Variants in GPR39 observed in about 807,000 individuals in gnomAD.
The protein encoded by GPR39 is G protein-coupled receptor 39.
GPR39 carries 23 observed loss-of-function variants against 18.4 expected under a neutral mutation model. The ratio of observed to expected loss-of-function variants is 1.25; its 90% CI spans 0.90 to 1.77. The LOEUF is 1.77. GPR39 is among the 40% of genes most tolerant of loss of function. The pLI is 0.00. For synonymous variants in GPR39, 280 were observed against 257.9 expected (o/e 1.09, Z -0.82); for missense variants, 647 against 602.4 (o/e 1.07, Z -0.78).
intron 1 of GPR39, among the ~76,000 whole-genome samples, chr2:132,597,507 A>C (rs1024369576): frequency 3.9e-5 from 6 of 152,178 alleles, no homozygotes; most frequent in Non-Finnish European, 7.3e-5. Flanking sequence ...GAAGCAAATC[A>C]AACACCTGCT....
intron 1 of GPR39, among the ~76,000 whole-genome samples, chr2:132,625,240 G>A (rs1317154859): frequency 2.6e-5 from 4 of 152,166 alleles, no homozygotes; most frequent in African/African-American, 9.7e-5. Context: ...GACTCCTGAT[G>A]AGGGACATCC....
chr2:132,428,422 G>A (rs1449878804), intron 1 of GPR39, among the ~76,000 whole-genome samples: 1 of 152,222 alleles, frequency 6.6e-6, no homozygotes, highest in Non-Finnish European at 1.5e-5. Flanking sequence ...ACCACTTGAT[G>A]CAGGGTCTGG....
At chr2:132,450,201 T>A (rs1175471285) in intron 1 of GPR39, among the ~76,000 whole-genome samples, 1 of 152,216 alleles carries the variant, frequency 6.6e-6, no homozygotes, top group African/African-American at 2.4e-5. Flanking sequence ...CAAAACTACC[T>A]GACTGATGTC....
chr2:132,419,032 T>C (rs1459620554), intron 1 of GPR39, among the ~76,000 whole-genome samples: 2 of 152,206 alleles, frequency 1.3e-5, no homozygotes, highest in African/African-American at 4.8e-5. Context: ...GACCTGGGTC[T>C]TGCCTCAGAC....
chr2:132,550,126 C>T (rs373820935), intron 1 of GPR39, among the ~76,000 whole-genome samples: 84 of 152,146 alleles, frequency 5.5e-4, no homozygotes, highest in Middle Eastern at 3.4e-3. Context: ...CACTGCAGCC[C>T]GGACAATGAA....
In GPR39 at chr2:132,417,228, A is replaced by T; in HGVS notation, c.186A>T (p.Gly62=). 1 of 1,614,142 alleles carries T rather than the reference A, an allele frequency of 6.2e-7. No individual in the cohort carries two copies. The highest frequency in any genetic ancestry group is 1.3e-5 in the African/African-American group (1 of 75,042). ...IRVTQVLQKK[G]YLQKEVTDHM... ...TCACCCAGGTGCTGCAGAAGAAAGGATACTTGCAGAAGGAGGTGACAGACC... is the reference window on the plus strand; with the variant it reads ...TCACCCAGGTGCTGCAGAAGAAAGGTTACTTGCAGAAGGAGGTGACAGACC... The change falls in exon 1 of 2, where the codon GGA becomes GGT. Residue 62 remains glycine, a synonymous_variant. Transcript: ENST00000329321.
chr2:132,601,292 G>A (rs567675830), intron 1 of GPR39, among the ~76,000 whole-genome samples: 2 of 152,284 alleles, frequency 1.3e-5, no homozygotes, highest in South Asian at 2.1e-4. Flanking sequence ...TTCCAGGGAC[G>A]TAAGGATGGT....
At chr2:132,567,614 G>A (rs1460587960) in intron 1 of GPR39, among the ~76,000 whole-genome samples, 9 of 152,136 alleles carry the variant, frequency 5.9e-5, no homozygotes, top group Non-Finnish European at 1.0e-4. Context: ...TAAATTACCC[G>A]GTGTTAGGTA....
chr2:132,645,948 A>G lies in GPR39; in HGVS notation c.*342A>G. The G allele has an allele frequency of 1.1e-6, 1 of 918,096 alleles. No homozygotes were observed. The highest frequency in any genetic ancestry group is 1.6e-6 in the Non-Finnish European group (1 of 617,392). The allele number at this position is 918,096 out of a possible 1,614,324, so 56.9% of individuals were successfully genotyped here. ...CACGGACTCCCGCTCCCTACCCAGA[A>G]TAAAAGGACACCCAGAAGAAACTCA... On this transcript the variant is annotated 3_prime_UTR_variant, in exon 2 of 2. Coordinates refer to ENST00000329321, the MANE Select transcript of GPR39 (RefSeq NM_001508.3).
intron 1 of GPR39, among the ~76,000 whole-genome samples, chr2:132,493,488 C>CAT (rs540786857): frequency 0.021 from 2,421 of 117,466 alleles, 100 homozygotes; most frequent in African/African-American, 0.074. Flanking sequence ...ATATATACAC[C>CAT]ATATATATAT....
intron 1 of GPR39, among the ~76,000 whole-genome samples, chr2:132,454,448 CA>C (rs1441968010): frequency 1.3e-5 from 2 of 152,176 alleles, no homozygotes; most frequent in African/African-American, 2.4e-5. Context: ...TTGACTTCCT[CA>C]TTTCCTAATT....
Position 132,473,094 on chromosome 2 carries a change from C to T in GPR39, c.856+55196C>T, listed in dbSNP as rs150048369. Among the ~76,000 whole-genome samples the T allele has an allele frequency of 5.8e-3, 883 of 152,208 alleles. 8 individuals carry two copies. The highest frequency in any genetic ancestry group is 0.024 in the Middle Eastern group (7 of 294). On this transcript the variant is annotated intron_variant, in intron 1 of 1. Coordinates refer to ENST00000329321, the MANE Select transcript of GPR39 (RefSeq NM_001508.3). ...GTTCCCCTGGTATCTTCCTGAATCA[C>T]CGGGTAAATAAATTTGAGCAGTTTT...
At chr2:132,543,641 G>T (rs890230217) in intron 1 of GPR39, among the ~76,000 whole-genome samples, 1 of 152,168 alleles carries the variant, frequency 6.6e-6, no homozygotes, top group Non-Finnish European at 1.5e-5. Context: ...TCTGGGTTGG[G>T]TTAGGTCCTA....
At chr2:132,509,603 A>G (rs1157460092) in intron 1 of GPR39, among the ~76,000 whole-genome samples, 1 of 152,224 alleles carries the variant, frequency 6.6e-6, no homozygotes, top group Admixed American at 6.5e-5. Flanking sequence ...AAACTTGGAT[A>G]GTTGTGACCT....
At chr2:132,436,449 C>G (rs1052213328) in intron 1 of GPR39, among the ~76,000 whole-genome samples, 2 of 152,068 alleles carry the variant, frequency 1.3e-5, no homozygotes, top group African/African-American at 4.8e-5. Flanking sequence ...CCAATTGTCC[C>G]CAGAATTCAT....
At chr2:132,639,541 C>T (rs1681823071) in intron 1 of GPR39, among the ~76,000 whole-genome samples, 1 of 152,134 alleles carries the variant, frequency 6.6e-6, no homozygotes, top group South Asian at 2.1e-4. Flanking sequence ...AGGTGATCAA[C>T]TTTCCAGATA....
intron 1 of GPR39, among the ~76,000 whole-genome samples, chr2:132,603,555 T>C (rs534586781): frequency 1.4e-4 from 22 of 152,270 alleles, no homozygotes; most frequent in Non-Finnish European, 2.6e-4. Context: ...TGAGAAATGT[T>C]TGAGGTGATA....
Position 132,556,366 on chromosome 2 carries a change from C to T in GPR39, c.857-88735C>T, listed in dbSNP as rs150873678. Among the ~76,000 whole-genome samples the T allele has an allele frequency of 5.2e-3, 791 of 152,312 alleles. 7 individuals carry two copies. The highest frequency in any genetic ancestry group is 8.3e-3 in the Non-Finnish European group (568 of 68,038). Reference sequence around the variant, plus strand: ...AGTTTCCATAGTGTAAATGCTCCCACCATGGCCAATTACCAATAGTTAACT... The same window carrying T: ...AGTTTCCATAGTGTAAATGCTCCCATCATGGCCAATTACCAATAGTTAACT... On this transcript the variant is annotated intron_variant, in intron 1 of 1. Transcript: ENST00000329321.
chr2:132,479,949 C>A (rs2104788780), intron 1 of GPR39, among the ~76,000 whole-genome samples: 1 of 152,254 alleles, frequency 6.6e-6, no homozygotes, highest in African/African-American at 2.4e-5. Flanking sequence ...AACCCTTGGG[C>A]ACTGTTGGCA....
Sources: allele counts gnomAD v4.1 joint callset (sites outside exome capture counted in the v4.1 genomes callset), GRCh38; gene constraint gnomAD v4.1.1; transcripts MANE v1.5; gene names NCBI Gene and HGNC (gene_info 2026-07-23, HGNC 2026-07-21).